The following NEB variants were observed in gnomAD, a reference collection of about 807,000 sequenced individuals.
The protein encoded by NEB is nemaline myopathy type 2.
A neutral mutation model predicts 952.2 loss-of-function variants in NEB; 512 were observed. The ratio of observed to expected loss-of-function variants is 0.54; its 90% CI spans 0.50 to 0.58. NEB has a LOEUF of 0.58. NEB is among the 20% of genes least tolerant of loss of function. NEB has a pLI of 0.00. For synonymous variants in NEB, 2,900 were observed against 3,149.8 expected, an observed-to-expected ratio of 0.92 and a Z score of 2.66; for missense variants, 8,428 against 9,231.1, an observed-to-expected ratio of 0.91 and a Z score of 3.56.
At position 151,664,570 on chromosome 2, in the gene NEB, T is replaced by C. The variant is rs2099187809; in HGVS notation, c.5382A>G (p.Lys1794=). Residue 1794 remains lysine (K), a synonymous_variant, in exon 44 of 182, where the codon AAA becomes AAG. Transcript: ENST00000397345. The stretch of plus-strand genomic sequence containing the variant: ...TGGCATCAGGCCTCAGGTCATATCC[T>C]TTCTTCTTTTCCTCTTCCCAGCCAG... ...YKAGWEEEKK[K]GYDLRPDAIA... The C allele has an allele frequency of 2.5e-6, 4 of 1,608,340 alleles. No individual in the cohort carries two copies. Among genetic ancestry groups the C allele is most frequent in the African/African-American group, 2.7e-5 (2 of 74,802 alleles).
Position 151,581,417 on chromosome 2 carries a change from G to C in NEB, c.16284+66C>G. On this transcript the variant is annotated intron_variant, in intron 103 of 181. Coordinates refer to ENST00000397345, the MANE Select transcript of NEB (RefSeq NM_001164508.2). ...TGCCTTTTGACAAACTCTCTTTGGGGTGTATAATAAAAGGTTTGGTTAGGC... is the reference window on the plus strand; with the variant it reads ...TGCCTTTTGACAAACTCTCTTTGGGCTGTATAATAAAAGGTTTGGTTAGGC... The C allele has an allele frequency of 6.5e-6, 3 of 464,718 alleles. No homozygotes were observed. The South Asian group carries it at 9.0e-5, about 14-fold the overall frequency. The allele number at this position is 464,718 out of a possible 1,614,324, so 28.8% of individuals were successfully genotyped here. A position where few individuals can be genotyped will look rare whatever the true frequency, so the allele number is the denominator to read the frequency against.
At chr2:151,513,721 AG>A in intron 159 of NEB, 28 bp from the exon 160 acceptor site, 1 of 1,458,728 alleles carries the variant, frequency 6.9e-7, no homozygotes, top group Non-Finnish European at 9.4e-7. Context: ...GAAAAAAAAA[AG>A]GTACCTAAAT....
In NEB at chr2:151,618,402, G is replaced by A. The variant is rs1473256084; in HGVS notation, c.10949C>T (p.Ala3650Val). The A allele has an allele frequency of 1.2e-6, 2 of 1,613,862 alleles. No homozygotes were observed. The highest frequency in any genetic ancestry group is 4.5e-5 in the East Asian group (2 of 44,852). The change falls in exon 74 of 182, where the codon GCC becomes GTC. Residue 3650 changes from alanine (A) to valine (V), a missense_variant. Coordinates refer to ENST00000397345, the MANE Select transcript of NEB (RefSeq NM_001164508.2). ...ACTAAGTAATTCTCCAGCTCTCTTG[G>A]CCCTAACAACTTCCAAGGAATCAAT... ...VPIDSLEVVR[A>V]KRAGELLSDT... is the part of the protein sequence containing the mutation.
rs2096235702 is a variant in NEB at position 151,563,819 on chromosome 2, T to C, written c.18579+4A>G. Reference sequence around the variant, plus strand: ...AACTTAGGAGAGGAAAAGGTCATACTGACCTCACTGTTCACCAGATCAGCA... The same window carrying C: ...AACTTAGGAGAGGAAAAGGTCATACCGACCTCACTGTTCACCAGATCAGCA... On this transcript the variant is annotated splice_donor_region_variant and intron_variant, in intron 118 of 181. Transcript: ENST00000397345. The C allele has an allele frequency of 6.2e-7, 1 of 1,613,286 alleles. No homozygotes were observed. The highest frequency in any genetic ancestry group is 8.5e-7 in the Non-Finnish European group (1 of 1,179,410).
chr2:151,634,510 C>T (rs552335910), intron 64 of NEB, among the ~76,000 whole-genome samples: 115 of 152,016 alleles, frequency 7.6e-4, no homozygotes, highest in African/African-American at 2.7e-3. Context: ...GGCGTGGTGG[C>T]GGGCGCCTGT....
intron 124 of NEB, among the ~76,000 whole-genome samples, chr2:151,555,580 T>C (rs1291467001): frequency 2.6e-5 from 4 of 152,198 alleles, no homozygotes; most frequent in African/African-American, 4.8e-5. Flanking sequence ...TCTTAAGCCA[T>C]GTTGCCCGTT....
intron 141 of NEB, among the ~76,000 whole-genome samples, chr2:151,536,009 C>T (rs917340463): frequency 6.6e-6 from 1 of 152,186 alleles, no homozygotes; most frequent in Non-Finnish European, 1.5e-5. Flanking sequence ...CAGGCTCCAT[C>T]GATCTTCCCA....
intron 53 of NEB, 46 bp from the exon 54 acceptor site, chr2:151,650,425 A>G: frequency 6.3e-7 from 1 of 1,580,304 alleles, no homozygotes; most frequent in Non-Finnish European, 8.7e-7. Context: ...TCTCACCTGG[A>G]CCCTTGATTC....
At chr2:151,722,157 T>C (rs914161772) in intron 9 of NEB, among the ~76,000 whole-genome samples, 2 of 152,220 alleles carry the variant, frequency 1.3e-5, no homozygotes. Flanking sequence ...TATAAGAGGT[T>C]CCAGGGATCT....
intron 171 of NEB, 34 bp from the exon 172 acceptor site, chr2:151,497,067 A>G (rs1410427054): frequency 2.6e-6 from 4 of 1,546,188 alleles, no homozygotes; most frequent in East Asian, 2.4e-5. Context: ...AAAAACAACC[A>G]TGAGTAACAT....
chr2:151,691,150 T>G (rs991071932), intron 23 of NEB, among the ~76,000 whole-genome samples: 1 of 151,988 alleles, frequency 6.6e-6, no homozygotes. Context: ...ACAGAATCCA[T>G]CCCCTCCTTC....
At chr2:151,579,080 CAAAAA>C (rs1159995102) in intron 105 of NEB, among the ~76,000 whole-genome samples, 1 of 31,690 alleles carries the variant, frequency 3.2e-5, no homozygotes, top group Non-Finnish European at 5.5e-5. Context: ...GACTCCATCT[CAAAAA>C]AAAAAAAAAA....
chr2:151,546,559 T>A, intron 133 of NEB, 116 bp from the exon 134 acceptor site: 1 of 347,742 alleles, frequency 2.9e-6, no homozygotes, highest in Non-Finnish European at 5.2e-6. Context: ...TTCATCTACT[T>A]TTTTTTTTTT....
Position 151,717,422 on chromosome 2 carries a change from C to A in NEB, c.816G>T (p.Val272=), listed in dbSNP as rs1170776334. Residue 272 remains valine (V), a synonymous_variant, in exon 10 of 182, where the codon GTG becomes GTT. Coordinates refer to ENST00000397345, the MANE Select transcript of NEB (RefSeq NM_001164508.2). The part of the protein sequence containing the change: ...IEFAKKVTNQ[V]SKQKYKEDYE... Reference sequence around the variant, plus strand: ...CCCAGCTCTATTTACTTACCTTGCTCACTTGATTGGTTACTTTCTTGGCAA... The same window carrying A: ...CCCAGCTCTATTTACTTACCTTGCTAACTTGATTGGTTACTTTCTTGGCAA... 1 of 1,607,690 alleles carries A rather than the reference C, an allele frequency of 6.2e-7. No individual in the cohort carries two copies.
intron 155 of NEB, 99 bp downstream of exon 155, chr2:151,518,864 TAG>T (rs1453586477): frequency 1.4e-6 from 1 of 727,722 alleles, no homozygotes; most frequent in African/African-American, 1.7e-5. Context: ...GTAATAAATC[TAG>T]GGTATCAGTA....
intron 170 of NEB, chr2:151,498,004 A>G: frequency 7.0e-7 from 1 of 1,433,600 alleles, no homozygotes; most frequent in Non-Finnish European, 9.1e-7. Context: ...AGGATTTGAG[A>G]CTGTTAGAAC....
rs184319249 is a variant in NEB, at chr2:151,492,117, T to C, written c.25038A>G (p.Gln8346=). Residue 8346 remains glutamine, a synonymous_variant, in exon 178 of 182, where the codon CAA becomes CAG. Coordinates refer to ENST00000397345, the MANE Select transcript of NEB (RefSeq NM_001164508.2). ...VVEMEQKRND[Q]DQETITGLRV... is the part of the protein sequence containing the mutation. ...AGTTACCTGTAATAGTCTCCTGATC[T>C]TGGTCATTCCGTTTTTGTTCCATTT... The C allele has an allele frequency of 7.2e-4, 1,156 of 1,613,982 alleles. 4 individuals carry two copies. The highest frequency in any genetic ancestry group is 4.6e-3 in the Middle Eastern group (28 of 6,058).
chr2:151,497,926 G>A (rs2061396420), intron 170 of NEB: 1 of 1,461,638 alleles, frequency 6.8e-7, no homozygotes, highest in East Asian at 2.5e-5. Flanking sequence ...CTGAGGAAGG[G>A]CTGTCAGAGT....
In NEB at chr2:151,656,378, G is replaced by A; in HGVS notation, c.6270C>T (p.Ser2090=). The A allele has an allele frequency of 1.2e-6, 2 of 1,613,504 alleles. No individual in the cohort carries two copies. The highest frequency in any genetic ancestry group is 1.7e-6 in the Non-Finnish European group (2 of 1,179,644). ...CAGATTGCATCTTAGCCACTTGCAT[G>A]GAATGGACTAATTTGGGATCATCCT... ...SLEDDPKLVH[S]MQVAKMQSDR... The change falls in exon 49 of 182, where the codon TCC becomes TCT. Residue 2090 remains serine, a synonymous_variant. Coordinates refer to ENST00000397345, the MANE Select transcript of NEB (RefSeq NM_001164508.2).
Sources: gnomAD v4.1 joint callset for allele counts (sites outside exome capture counted in the v4.1 genomes callset) on GRCh38, gnomAD v4.1.1 for gene constraint, MANE v1.5 for transcripts, NCBI Gene and HGNC (gene_info 2026-07-23, HGNC 2026-07-21) for gene names.